The following MBD5 variants were observed in gnomAD, a reference collection of about 807,000 sequenced individuals.
The protein encoded by MBD5 is methyl-CpG-binding domain protein 5.
In MBD5, 13 loss-of-function variants were observed where a neutral mutation model predicts 117.3. The observed-to-expected ratio is 0.11, with a 90% CI of 0.07 to 0.18. The LOEUF (loss-of-function observed/expected upper bound fraction) is 0.18, where lower values mean the gene tolerates loss of function less well. Ranked by LOEUF, MBD5 falls within the 10% of genes least tolerant of loss-of-function variation. The probability of loss-of-function intolerance (pLI) is 1.00; values close to 1 mark genes in which losing one functional copy is unlikely to be tolerated. For synonymous variants in MBD5, 727 were observed against 766.4 expected (o/e 0.95, Z 0.85); for missense variants, 1,879 against 2,093.8 (o/e 0.90, Z 2.00).
At position 148,307,840 on chromosome 2, in the gene MBD5, G is replaced by A. The variant is rs920726632; in HGVS notation, c.-679-34374G>A. On this transcript the variant is annotated intron_variant, in intron 3 of 13. Coordinates refer to ENST00000642680, the MANE Select transcript of MBD5 (RefSeq NM_001378120.1). The stretch of plus-strand genomic sequence containing the variant: ...AGGTGTGTGATGTTCCCCTCCCTGT[G>A]ACCATATGTTCTCATTGTTCAGTTC... Among the ~76,000 whole-genome samples, 4 of 151,956 alleles carry A rather than the reference G, an allele frequency of 2.6e-5. No individual in the cohort carries two copies. The East Asian group carries it at 5.8e-4, about 22-fold the overall frequency.
intron 1 of MBD5, among the ~76,000 whole-genome samples, chr2:148,094,313 A>T (rs2105253432): frequency 6.6e-6 from 1 of 152,284 alleles, no homozygotes; most frequent in South Asian, 2.1e-4. Context: ...AACTCTACAA[A>T]TTATTTACTC....
At chr2:148,210,471 C>T (rs1699395459) in intron 2 of MBD5, among the ~76,000 whole-genome samples, 1 of 151,796 alleles carries the variant, frequency 6.6e-6, no homozygotes. Context: ...ATATTTTATA[C>T]TTTTTTAATA....
intron 4 of MBD5, among the ~76,000 whole-genome samples, chr2:148,376,905 A>G (rs904026308): frequency 7.0e-6 from 1 of 142,684 alleles, no homozygotes; most frequent in East Asian, 2.0e-4. Flanking sequence ...TATACCATAT[A>G]TGGTATATTG....
rs921717362 is a variant in MBD5, at chr2:148,497,027, T to C, written c.4963-5409T>C. On this transcript the variant is annotated intron_variant, in intron 11 of 13. Transcript: ENST00000642680. ...ATTGCACTTAAGTTAGCAGAAATTT[T>C]TTCAGTTTGAAGATGTTATTTTAAA... 2.6e-5 allele frequency among the ~76,000 whole-genome samples: 4 copies of C among 152,060 alleles called. No individual in the cohort carries two copies. In the East Asian group the frequency reaches 7.7e-4, roughly 29 times the overall value.
intron 2 of MBD5, among the ~76,000 whole-genome samples, chr2:148,226,100 G>C (rs1053182541): frequency 6.6e-6 from 1 of 151,354 alleles, no homozygotes; most frequent in African/African-American, 2.4e-5. Flanking sequence ...TTGCCATTTT[G>C]AGGCTATTTT....
chr2:148,150,563 T>C (rs76287667), intron 1 of MBD5, among the ~76,000 whole-genome samples: 65,124 of 151,876 alleles, frequency 0.43, 14,070 homozygotes, highest in Middle Eastern at 0.55. Context: ...TTGATTCTTC[T>C]GACCCATGAG....
At chr2:148,151,283 G>A (rs972366417) in intron 1 of MBD5, among the ~76,000 whole-genome samples, 8 of 151,900 alleles carry the variant, frequency 5.3e-5, no homozygotes, top group East Asian at 1.9e-4. Context: ...TGCATCCCAG[G>A]GATGAAGCCC....
At chr2:148,280,522 T>C (rs1359834115) in intron 3 of MBD5, among the ~76,000 whole-genome samples, 1 of 152,130 alleles carries the variant, frequency 6.6e-6, no homozygotes, top group Non-Finnish European at 1.5e-5. Flanking sequence ...GCCTTGATCA[T>C]GCAGGCTCAA....
chr2:148,414,612 T>C (rs1343535953), intron 4 of MBD5, among the ~76,000 whole-genome samples: 1 of 152,182 alleles, frequency 6.6e-6, no homozygotes, highest in African/African-American at 2.4e-5. Flanking sequence ...TCTGTAGGTC[T>C]CCAAGAACTT....
At chr2:148,101,305 T>A (rs186378318) in intron 1 of MBD5, among the ~76,000 whole-genome samples, 1 of 151,872 alleles carries the variant, frequency 6.6e-6, no homozygotes, top group East Asian at 1.9e-4. Flanking sequence ...AATTAGAATT[T>A]AAAAAAATTA....
At chr2:148,272,368 A>G (rs1701006010) in intron 3 of MBD5, among the ~76,000 whole-genome samples, 2 of 152,224 alleles carry the variant, frequency 1.3e-5, no homozygotes, top group South Asian at 2.1e-4. Context: ...ACTGTTTTCC[A>G]TAATGACTAT....
Position 148,451,935 on chromosome 2 carries a change from T to C in MBD5, c.-556-6268T>C, listed in dbSNP as rs532406085. Among the ~76,000 whole-genome samples the C allele has an allele frequency of 2.6e-5, 4 of 152,304 alleles. No individual in the cohort carries two copies. In the East Asian group the frequency reaches 7.7e-4, roughly 29 times the overall value. On this transcript the variant is annotated intron_variant, in intron 4 of 13. Coordinates refer to ENST00000642680, the MANE Select transcript of MBD5 (RefSeq NM_001378120.1). ...TAGTCTCAGCTTGATAAATCAATAA[T>C]TAATTGGGTGTTGATTCTGTCCCAC...
intron 1 of MBD5, among the ~76,000 whole-genome samples, chr2:148,165,378 A>G (rs1298522983): frequency 2.6e-5 from 4 of 152,064 alleles, no homozygotes; most frequent in African/African-American, 7.2e-5. Flanking sequence ...CTTTTTACCA[A>G]TAAAAAGGAC....
At chr2:148,118,435 A>AAAAATATAT (rs1021339753) in intron 1 of MBD5, among the ~76,000 whole-genome samples, 122 of 148,566 alleles carry the variant, frequency 8.2e-4, no homozygotes, top group African/African-American at 2.8e-3. Context: ...CATAAAAAAA[A>AAAAATATAT]ATATATATAT....
intron 4 of MBD5, among the ~76,000 whole-genome samples, chr2:148,357,510 G>T (rs1703415485): frequency 6.6e-6 from 1 of 151,168 alleles, no homozygotes; most frequent in South Asian, 2.1e-4. Context: ...TCTAGGTGTA[G>T]GCCTTTTAAA....
At chr2:148,433,665 T>A (rs1413603238) in intron 4 of MBD5, among the ~76,000 whole-genome samples, 1 of 152,208 alleles carries the variant, frequency 6.6e-6, no homozygotes, top group Non-Finnish European at 1.5e-5. Context: ...TTGACTTGCA[T>A]ATGTGGAACC....
intron 1 of MBD5, among the ~76,000 whole-genome samples, chr2:148,169,712 G>T (rs1202322282): frequency 6.6e-6 from 1 of 152,036 alleles, no homozygotes; most frequent in East Asian, 1.9e-4. Flanking sequence ...TGGTTATTAC[G>T]AACTTTCACA....
chr2:148,294,196 GTTTTTTTTTTTTTTTTTTTTTTTTTT>G (rs60942822), intron 3 of MBD5, among the ~76,000 whole-genome samples: 41 of 127,162 alleles, frequency 3.2e-4, no homozygotes, highest in Non-Finnish European at 4.9e-4. Context: ...CCAGAATGAA[GTTTTTTTTTTTTTTTTTTTTTTTTTT>G]TTTTTTTTTT....
chr2:148,503,090 A>G, intron 12 of MBD5: 1 of 160,148 alleles, frequency 6.2e-6, no homozygotes, highest in South Asian at 1.7e-4. Flanking sequence ...AGCAGATAAT[A>G]TTAGAAACAT....
Sources: gnomAD v4.1 joint callset for allele counts (sites outside exome capture counted in the v4.1 genomes callset) on GRCh38, gnomAD v4.1.1 for gene constraint, MANE v1.5 for transcripts, NCBI Gene and HGNC (gene_info 2026-07-23, HGNC 2026-07-21) for gene names.